ZDHHC11: variants seen among roughly 807,000 people sequenced by gnomAD.
ZDHHC11 encodes zDHHC palmitoyltransferase 11, also known as palmitoyltransferase ZDHHC11.
ZDHHC11 carries 44 observed loss-of-function variants against 51.3 expected under a neutral mutation model. That is an observed-to-expected ratio of 0.86 (90% CI 0.67 to 1.10). ZDHHC11 has a LOEUF of 1.10. ZDHHC11 is among the 50% of genes least tolerant of loss of function. ZDHHC11 has a pLI of 0.00. For synonymous variants in ZDHHC11, 163 were observed against 222.0 expected (o/e 0.73, Z 2.36); for missense variants, 400 against 537.7 (o/e 0.74, Z 2.53).
rs1391941528 is a variant in ZDHHC11 at position 850,361 on chromosome 5, T to A, written c.222+20A>T. ...CCAGGAACCCCTCCCGCTTAGACCA[T>A]GCCACGATGAAAAGGATACCACGTA... On this transcript the variant is annotated intron_variant, in intron 1 of 12. Transcript: ENST00000283441. 1 of 1,612,406 alleles carries A rather than the reference T, an allele frequency of 6.2e-7. No individual in the cohort carries two copies.
chr5:858,068 C>A (rs1372053576), intron 1 of ZDHHC11, among the ~76,000 whole-genome samples: 2 of 146,968 alleles, frequency 1.4e-5, no homozygotes, highest in African/African-American at 2.6e-5. Flanking sequence ...TGTCCAGGTC[C>A]CTGTCATGTC....
chr5:819,666 G>A, intron 9 of ZDHHC11, 54 bp from the exon 10 acceptor site: 2 of 1,559,450 alleles, frequency 1.3e-6, no homozygotes, highest in Non-Finnish European at 1.8e-6. Context: ...AGGGCGCTCA[G>A]GATGGCACTG....
chr5:813,738 G>C (rs550800482), intron 11 of ZDHHC11, among the ~76,000 whole-genome samples: 16 of 147,132 alleles, frequency 1.1e-4, no homozygotes, highest in African/African-American at 3.9e-4. Context: ...GTGCAGGCTG[G>C]GGTGGGGGCT....
chr5:846,838 G>A (rs558911717), intron 3 of ZDHHC11, among the ~76,000 whole-genome samples: 1,753 of 123,548 alleles, frequency 0.014, 121 homozygotes, highest in African/African-American at 0.058. Flanking sequence ...AGCCTCCACC[G>A]TGCTCAGGGG....
chr5:847,331 A>G (rs1746405339), intron 3 of ZDHHC11, among the ~76,000 whole-genome samples, 183 bp downstream of exon 3: 1 of 151,736 alleles, frequency 6.6e-6, no homozygotes, highest in Non-Finnish European at 1.5e-5. Context: ...CGGCTGCACC[A>G]CAGCCCCAGA....
At position 837,678 on chromosome 5, in the gene ZDHHC11, G is replaced by T. The variant is rs192397454; in HGVS notation, c.785-198C>A. 3.6e-4 allele frequency among the ~76,000 whole-genome samples: 55 copies of T among 151,896 alleles called. No homozygotes were observed. In the East Asian group the frequency reaches 8.9e-3, roughly 25 times the overall value. On this transcript the variant is annotated intron_variant, in intron 5 of 12. Coordinates refer to ENST00000283441, the MANE Select transcript of ZDHHC11 (RefSeq NM_024786.3). Reference sequence around the variant, plus strand: ...GGGCCCAGTTCTGCAGCTAGCTGATGGTCAGCAGGAGGGGTCTGCAGCTGC... The same window carrying T: ...GGGCCCAGTTCTGCAGCTAGCTGATTGTCAGCAGGAGGGGTCTGCAGCTGC...
intron 12 of ZDHHC11, among the ~76,000 whole-genome samples, chr5:798,351 C>A (rs1418023157): frequency 6.6e-6 from 1 of 151,226 alleles, no homozygotes; most frequent in Non-Finnish European, 1.5e-5. Flanking sequence ...TATGTCTCCT[C>A]AGTTCATTAA....
intron 10 of ZDHHC11, among the ~76,000 whole-genome samples, chr5:817,967 G>C (rs539168935): frequency 3.3e-5 from 5 of 151,410 alleles, no homozygotes; most frequent in African/African-American, 1.2e-4. Context: ...CCACGGACGC[G>C]GGTGTCAGTG....
rs1300461630 is a variant in ZDHHC11 at position 848,909 on chromosome 5, C to T, written c.223-249G>A. On this transcript the variant is annotated intron_variant, in intron 1 of 12. Coordinates refer to ENST00000283441, the MANE Select transcript of ZDHHC11 (RefSeq NM_024786.3). Reference sequence around the variant, plus strand: ...TGCTCACCTGGGCCTGCACACCCAGCCCTGCACAGCCAGCCCTGCACAGCC... The same window carrying T: ...TGCTCACCTGGGCCTGCACACCCAGTCCTGCACAGCCAGCCCTGCACAGCC... Among the ~76,000 whole-genome samples the T allele has an allele frequency of 2.2e-5, 3 of 134,980 alleles. No individual in the cohort carries two copies. The South Asian group carries it at 6.9e-4, about 31-fold the overall frequency. 88.6% of individuals were successfully genotyped at this position (134,980 alleles called of 152,430 possible).
At position 850,430 on chromosome 5, in the gene ZDHHC11, C is replaced by G. The variant is rs1236703278; in HGVS notation, c.173G>C (p.Gly58Ala). The change falls in exon 1 of 13, where the codon GGG becomes GCG. Residue 58 changes from glycine to alanine, a missense_variant. By Grantham distance (60) the Gly-to-Ala change is moderately conservative. This residue lies in a region of ZDHHC11 where 119 missense variants were observed against 99.6 expected (regional missense o/e 1.20). Coordinates refer to ENST00000283441, the MANE Select transcript of ZDHHC11 (RefSeq NM_024786.3). Reference protein sequence around the residue: ...VFVGLSSATFGIFIPFLPHAW... With the variant: ...VFVGLSSATFAIFIPFLPHAW... ...GTGAGGCAGGAAGGGAATGAAGATC[C>G]CGAAGGTGGCCGAGGAAAGGCCCAC... The G allele has an allele frequency of 3.1e-6, 5 of 1,613,514 alleles. No individual in the cohort carries two copies. Among genetic ancestry groups the G allele is most frequent in the South Asian group, 1.1e-5 (1 of 91,094 alleles).
At chr5:850,307 C>T (rs1278933388) in intron 1 of ZDHHC11, 74 bp downstream of exon 1, 243 of 1,524,806 alleles carry the variant, frequency 1.6e-4, no homozygotes, top group Non-Finnish European at 2.1e-4. Context: ...ATGGCCCAGA[C>T]CCCACAGCCA....
intron 9 of ZDHHC11, among the ~76,000 whole-genome samples, chr5:820,359 T>C (rs1741408564): frequency 6.6e-6 from 1 of 151,618 alleles, no homozygotes; most frequent in Non-Finnish European, 1.5e-5. Context: ...CAGTAAGCCA[T>C]ACACCTTGAC....
At chr5:808,798 C>T (rs1185924526) in intron 11 of ZDHHC11, among the ~76,000 whole-genome samples, 5 of 145,150 alleles carry the variant, frequency 3.4e-5, no homozygotes, top group South Asian at 2.3e-4. Flanking sequence ...CCTGGGTTCA[C>T]GCCATTCTCC....
intron 12 of ZDHHC11, among the ~76,000 whole-genome samples, chr5:800,642 T>A (rs1579517346): frequency 2.0e-5 from 3 of 151,456 alleles, no homozygotes; most frequent in Non-Finnish European, 4.4e-5. Context: ...AAGTAAATGA[T>A]CATTTGTTTC....
At chr5:850,301 C>T in intron 1 of ZDHHC11, 80 bp downstream of exon 1, 2 of 1,499,772 alleles carry the variant, frequency 1.3e-6, no homozygotes, top group Non-Finnish European at 1.8e-6. Flanking sequence ...GCAGCCATGG[C>T]CCAGACCCCA....
At position 850,639 on chromosome 5, in the gene ZDHHC11, A is replaced by C. The variant is rs746156358; in HGVS notation, c.-37T>G. 73 of 1,600,970 alleles carry C rather than the reference A, an allele frequency of 4.6e-5. No homozygotes were observed. The highest frequency in any genetic ancestry group is 5.6e-5 in the Non-Finnish European group (66 of 1,175,976). On this transcript the variant is annotated 5_prime_UTR_variant, in exon 1 of 13. Coordinates refer to ENST00000283441, the MANE Select transcript of ZDHHC11 (RefSeq NM_024786.3). The stretch of plus-strand genomic sequence containing the variant: ...AGAAGGGGAGGACCTGCGCCGTCAG[A>C]TCCTGGGAGGGCCGGCCCCGCCCAC...
chr5:850,618 G>A lies in ZDHHC11; in HGVS notation c.-16C>T. ...GGGTGTCCATCTGCAGGACACAGAA[G>A]GGGAGGACCTGCGCCGTCAGATCCT... is the stretch of plus-strand genomic sequence containing the variant. On this transcript the variant is annotated 5_prime_UTR_variant, in exon 1 of 13. Transcript: ENST00000283441. The A allele has an allele frequency of 1.2e-6, 2 of 1,611,676 alleles. No individual in the cohort carries two copies. The highest frequency in any genetic ancestry group is 2.2e-5 in the South Asian group (2 of 91,062).
intron 5 of ZDHHC11, 96 bp downstream of exon 5, chr5:840,399 G>T (rs774254406): frequency 7.7e-6 from 12 of 1,554,186 alleles, no homozygotes; most frequent in Non-Finnish European, 1.1e-5. Flanking sequence ...GGCGTGGGGG[G>T]CTCAGGGTTA....
upstream of ZDHHC11, among the ~76,000 whole-genome samples, chr5:855,015 A>G (rs1310052051): frequency 6.9e-6 from 1 of 145,088 alleles, no homozygotes; most frequent in African/African-American, 2.6e-5. Flanking sequence ...CACAGAGGAC[A>G]GTGAGCCAGG....
Sources: gnomAD v4.1 joint callset for allele counts (sites outside exome capture counted in the v4.1 genomes callset) on GRCh38, gnomAD v4.1.1 for gene constraint, gnomAD v4.1.1 regional missense constraint, MANE v1.5 for transcripts, NCBI Gene and HGNC (gene_info 2026-07-23, HGNC 2026-07-21) for gene names.